ADGRL2: variants seen among roughly 807,000 people sequenced by gnomAD.
ADGRL2 encodes the protein calcium-independent alpha-latrotoxin receptor 2.
In ADGRL2, 44 loss-of-function variants were observed where a neutral mutation model predicts 157.4. That is an observed-to-expected ratio of 0.28 (90% CI 0.22 to 0.36). The LOEUF (loss-of-function observed/expected upper bound fraction) is 0.36. ADGRL2 is among the 10% of genes least tolerant of loss of function. ADGRL2 has a pLI of 1.00. For synonymous variants in ADGRL2, 585 were observed against 624.7 expected (o/e 0.94, Z 0.95); for missense variants, 1,510 against 1,768.9 (o/e 0.85, Z 2.63).
At chr1:81,531,083 C>CAAAA (rs66485040) in intron 2 of ADGRL2, among the ~76,000 whole-genome samples, 1 of 120,056 alleles carries the variant, frequency 8.3e-6, no homozygotes. Flanking sequence ...GACTCTGTTT[C>CAAAA]AAAAAAAAAA....
At chr1:81,699,016 A>C (rs2149023548), upstream of ADGRL2, among the ~76,000 whole-genome samples, 1 of 152,306 alleles carries the variant, frequency 6.6e-6, no homozygotes, top group African/African-American at 2.4e-5. Context: ...TCTCTTTAGA[A>C]GAAGTAAAAG....
At chr1:81,559,881 TTAAACATCTTTAA>T (rs199725705) in intron 2 of ADGRL2, among the ~76,000 whole-genome samples, 3,814 of 152,336 alleles carry the variant, frequency 0.025, 78 homozygotes, top group East Asian at 0.038. Context: ...TAGTTTAATA[TTAAACATCTTTAA>T]TAAACATCTT....
intron 2 of ADGRL2, among the ~76,000 whole-genome samples, chr1:81,859,949 G>A (rs972209920): frequency 1.1e-4 from 17 of 151,780 alleles, no homozygotes; most frequent in African/African-American, 3.9e-4. Context: ...AAACGGGCCA[G>A]GCGTGGTAGC....
intron 2 of ADGRL2, among the ~76,000 whole-genome samples, chr1:81,886,681 A>C (rs1340851216): frequency 6.6e-6 from 1 of 152,208 alleles, no homozygotes; most frequent in Non-Finnish European, 1.5e-5. Context: ...TTAATTAATA[A>C]TAAAATATGA....
intron 3 of ADGRL2, among the ~76,000 whole-genome samples, chr1:81,693,442 T>G (rs1344516413): frequency 6.6e-6 from 1 of 152,218 alleles, no homozygotes; most frequent in African/African-American, 2.4e-5. Context: ...TTTAGGCTAA[T>G]GCATTCGTCT....
chr1:81,977,654 T>C (rs1660549787), intron 17 of ADGRL2, among the ~76,000 whole-genome samples: 1 of 151,810 alleles, frequency 6.6e-6, no homozygotes, highest in South Asian at 2.1e-4. Context: ...TTATAAATTT[T>C]ATACATTGTA....
At chr1:81,730,448 G>A (rs2084679787) in intron 1 of ADGRL2, among the ~76,000 whole-genome samples, 2 of 151,948 alleles carry the variant, frequency 1.3e-5, no homozygotes, top group African/African-American at 4.8e-5. Flanking sequence ...TTAGTGCAGG[G>A]CCGGGCACAG....
intron 19 of ADGRL2, 31 bp downstream of exon 19, chr1:81,982,007 G>C: frequency 6.3e-7 from 1 of 1,574,880 alleles, no homozygotes; most frequent in Admixed American, 1.8e-5. Context: ...AGGGGCTCAG[G>C]TTACTCATTC....
intron 1 of ADGRL2, among the ~76,000 whole-genome samples, chr1:81,333,980 A>G (rs916027358): frequency 5.9e-5 from 9 of 152,288 alleles, no homozygotes; most frequent in Middle Eastern, 3.4e-3. Flanking sequence ...TTTGCTCTCA[A>G]TCTCAGCCTG....
At chr1:81,798,127 G>T (rs543848875), upstream of ADGRL2, among the ~76,000 whole-genome samples, 24 of 151,800 alleles carry the variant, frequency 1.6e-4, no homozygotes, top group Non-Finnish European at 2.6e-4. Context: ...CACATCTGTA[G>T]ATATTATTAA....
chr1:81,746,744 T>G (rs1355179080), intron 1 of ADGRL2, among the ~76,000 whole-genome samples: 1 of 151,902 alleles, frequency 6.6e-6, no homozygotes, highest in Non-Finnish European at 1.5e-5. Flanking sequence ...ACAATATTAT[T>G]GGATTCTTTT....
intron 3 of ADGRL2, among the ~76,000 whole-genome samples, chr1:81,653,370 A>G (rs1356664095): frequency 7.0e-6 from 1 of 143,434 alleles, no homozygotes; most frequent in Non-Finnish European, 1.5e-5. Flanking sequence ...ACATTCTTAC[A>G]TAGAGACCTT....
intron 2 of ADGRL2, among the ~76,000 whole-genome samples, chr1:81,860,481 G>T (rs970892059): frequency 4.0e-5 from 6 of 151,884 alleles, no homozygotes; most frequent in African/African-American, 1.5e-4. Context: ...CTGGCCTCAG[G>T]TCTTTTTAAG....
chr1:81,543,210 A>G (rs1570446067), intron 2 of ADGRL2, among the ~76,000 whole-genome samples: 1 of 152,200 alleles, frequency 6.6e-6, no homozygotes, highest in South Asian at 2.1e-4. Flanking sequence ...AATTCCCAAC[A>G]TGGTGGTATT....
intron 3 of ADGRL2, among the ~76,000 whole-genome samples, chr1:81,662,889 A>G (rs2082681737): frequency 6.6e-6 from 1 of 152,020 alleles, no homozygotes; most frequent in Non-Finnish European, 1.5e-5. Context: ...TTTTGTGCCC[A>G]TTAACCATCC....
chr1:81,818,838 A>G (rs1444128565), intron 1 of ADGRL2, among the ~76,000 whole-genome samples: 1 of 152,186 alleles, frequency 6.6e-6, no homozygotes, highest in Non-Finnish European at 1.5e-5. Flanking sequence ...GTATGGAAAA[A>G]GAGACCCCAT....
chr1:81,502,751 A>C, intron 2 of ADGRL2: 1 of 1,613,702 alleles, frequency 6.2e-7, no homozygotes, highest in Admixed American at 1.7e-5. Context: ...ATTGATGGCA[A>C]CCGCAGGGAG....
chr1:81,406,756 G>C (rs2076860636), intron 1 of ADGRL2, among the ~76,000 whole-genome samples: 1 of 152,080 alleles, frequency 6.6e-6, no homozygotes, highest in Non-Finnish European at 1.5e-5. Context: ...CAGACTTTGG[G>C]GAAAGCACAA....
intron 2 of ADGRL2, among the ~76,000 whole-genome samples, chr1:81,483,681 A>G (rs947820828): frequency 2.6e-5 from 4 of 152,192 alleles, no homozygotes; most frequent in African/African-American, 9.6e-5. Flanking sequence ...GCATGATTAG[A>G]TTATAAAAAT....
Sources: gnomAD v4.1 joint callset for allele counts (sites outside exome capture counted in the v4.1 genomes callset) on GRCh38, gnomAD v4.1.1 for gene constraint, MANE v1.5 for transcripts, NCBI Gene and HGNC (gene_info 2026-07-23, HGNC 2026-07-21) for gene names.